The following ADGRV1 variants were observed in gnomAD, a reference collection of about 807,000 sequenced individuals.
ADGRV1 encodes the protein adhesion G protein-coupled receptor V1, also known as G-protein coupled receptor 98.
In ADGRV1, 359 loss-of-function variants were observed where a neutral mutation model predicts 596.2. The observed-to-expected ratio is 0.60, with a 90% CI of 0.55 to 0.66. The LOEUF (loss-of-function observed/expected upper bound fraction) is 0.66. ADGRV1 is among the 30% of genes least tolerant of loss of function. The probability of loss-of-function intolerance (pLI) is 0.00; values close to 1 mark genes in which losing one functional copy is unlikely to be tolerated. For missense variants in ADGRV1, 7,274 were observed against 7,575.6 expected (o/e 0.96, Z 1.48); for synonymous variants, 2,681 against 2,679.2 (o/e 1.00, Z -0.02).
chr5:90,862,017 G>A (rs1346928864), intron 82 of ADGRV1, among the ~76,000 whole-genome samples: 1 of 152,144 alleles, frequency 6.6e-6, no homozygotes, highest in Non-Finnish European at 1.5e-5. Context: ...CACTGGCTTT[G>A]AATCCTGAAC....
At chr5:90,800,635 T>A (rs1761257406) in intron 70 of ADGRV1, among the ~76,000 whole-genome samples, 1 of 152,214 alleles carries the variant, frequency 6.6e-6, no homozygotes, top group African/African-American at 2.4e-5. Flanking sequence ...ATATGTTTAT[T>A]GTGGAACTAT....
intron 75 of ADGRV1, among the ~76,000 whole-genome samples, chr5:90,821,549 A>G (rs1266130325): frequency 6.6e-6 from 1 of 150,666 alleles, no homozygotes; most frequent in Admixed American, 6.6e-5. Context: ...TTGTGGTTTT[A>G]TCTACTTTTG....
At chr5:91,021,832 A>G (rs753627609) in intron 85 of ADGRV1, among the ~76,000 whole-genome samples, 2 of 152,120 alleles carry the variant, frequency 1.3e-5, no homozygotes, top group Non-Finnish European at 2.9e-5. Flanking sequence ...AGGAGGTATC[A>G]TAATGTCTGC....
chr5:90,602,352 A>G (rs154556), intron 1 of ADGRV1, among the ~76,000 whole-genome samples: 27,653 of 152,192 alleles, frequency 0.18, 2,691 homozygotes, highest in East Asian at 0.4. Flanking sequence ...TTGGTATGGA[A>G]AAGAGGGCAA....
chr5:90,827,855 T>C (rs901826824), intron 76 of ADGRV1, among the ~76,000 whole-genome samples: 1 of 152,210 alleles, frequency 6.6e-6, no homozygotes, highest in Non-Finnish European at 1.5e-5. Context: ...ACTTGGATAA[T>C]TCTGAAGGGT....
intron 85 of ADGRV1, among the ~76,000 whole-genome samples, chr5:91,026,802 GCAA>G (rs1409134488): frequency 6.6e-6 from 1 of 152,054 alleles, no homozygotes; most frequent in Non-Finnish European, 1.5e-5. Context: ...CTTTTATACT[GCAA>G]CGAGAATAGG....
At chr5:91,130,652 A>G (rs1283195217) in intron 87 of ADGRV1, among the ~76,000 whole-genome samples, 2 of 152,098 alleles carry the variant, frequency 1.3e-5, no homozygotes, top group East Asian at 3.9e-4. Context: ...TTTTAGATTC[A>G]GTGGGTACAT....
At chr5:91,007,630 A>T (rs998352722) in intron 85 of ADGRV1, among the ~76,000 whole-genome samples, 3 of 152,104 alleles carry the variant, frequency 2.0e-5, no homozygotes, top group Non-Finnish European at 4.4e-5. Flanking sequence ...ACTTCCCCCT[A>T]CCTTGCAGAG....
chr5:90,789,754 T>C lies in ADGRV1; in HGVS notation c.13946T>C (p.Leu4649Ser), dbSNP rs1186185076. ...GTTGTTCAGTTTGCTCCTGAAACTT[T>C]GTCTAAGAAGACTTATTCAGAGCCT... ...NGVVQFAPET[L>S]SKKTYSEPLA... Residue 4649 changes from leucine to serine, a missense_variant, in exon 69 of 90, where the codon TTG becomes TCG. By Grantham distance (145) the Leu-to-Ser change is moderately radical. Transcript: ENST00000405460. 2 of 1,559,864 alleles carry C rather than the reference T, an allele frequency of 1.3e-6. No homozygotes were observed. The highest frequency in any genetic ancestry group is 1.7e-6 in the Non-Finnish European group (2 of 1,149,696).
intron 83 of ADGRV1, among the ~76,000 whole-genome samples, chr5:90,950,968 C>T (rs540104147): frequency 6.6e-6 from 1 of 152,124 alleles, no homozygotes; most frequent in East Asian, 1.9e-4. Context: ...AGATAAGCCT[C>T]GCTCTTCTTT....
chr5:90,785,635 A>G (rs1759353155), intron 67 of ADGRV1, among the ~76,000 whole-genome samples: 1 of 152,260 alleles, frequency 6.6e-6, no homozygotes, highest in Non-Finnish European at 1.5e-5. Context: ...TATGCAGCCA[A>G]CAGACACCTG....
chr5:90,898,754 A>G (rs567514055), intron 83 of ADGRV1, among the ~76,000 whole-genome samples: 1 of 152,190 alleles, frequency 6.6e-6, no homozygotes, highest in African/African-American at 2.4e-5. Flanking sequence ...GACCAAGCCT[A>G]TGAAACATAG....
chr5:90,668,950 A>G (rs1275935078), intron 21 of ADGRV1, among the ~76,000 whole-genome samples: 3 of 152,180 alleles, frequency 2.0e-5, no homozygotes, highest in Admixed American at 6.5e-5. Context: ...TAAAAATTTA[A>G]GTTTGTAAAA....
intron 85 of ADGRV1, among the ~76,000 whole-genome samples, chr5:91,037,866 G>A (rs1785036350): frequency 6.6e-6 from 1 of 152,054 alleles, no homozygotes; most frequent in South Asian, 2.1e-4. Flanking sequence ...CATCACAAGT[G>A]GAAAATTCCA....
In ADGRV1 at chr5:90,627,962, A is replaced by ACACG. The variant is rs1554064823; in HGVS notation, c.1238+186_1238+187insCACG. The ACACG allele has an allele frequency of 1.0e-4, 41 of 407,128 alleles. No homozygotes were observed. In the East Asian group the frequency reaches 1.6e-3, roughly 15 times the overall value. The allele number at this position is 407,128 out of a possible 1,614,324, so 25.2% of individuals were successfully genotyped here. A position where few individuals can be genotyped will look rare whatever the true frequency, so the allele number is the denominator to read the frequency against. ...CACACACACACACACACACACACACAAGAATATGTCATTTTTTCTACCATG... is the reference window on the plus strand; with the variant it reads ...CACACACACACACACACACACACACACACGAGAATATGTCATTTTTTCTACCATG... On this transcript the variant is annotated intron_variant, in intron 7 of 89. Coordinates refer to ENST00000405460, the MANE Select transcript of ADGRV1 (RefSeq NM_032119.4).
At chr5:90,837,176 A>G (rs1041460009) in intron 77 of ADGRV1, among the ~76,000 whole-genome samples, 1 of 152,218 alleles carries the variant, frequency 6.6e-6, no homozygotes, top group Non-Finnish European at 1.5e-5. Flanking sequence ...GAGACAATAA[A>G]GACATCTATT....
chr5:90,660,035 A>G (rs1770028220), intron 21 of ADGRV1, among the ~76,000 whole-genome samples: 1 of 152,006 alleles, frequency 6.6e-6, no homozygotes, highest in Admixed American at 6.6e-5. Context: ...TCTCAGAGAA[A>G]AAAAAAAAGA....
rs748133412 is a variant in ADGRV1, at chr5:90,653,541, A to G, written c.3967A>G (p.Ser1323Gly). 5 of 1,613,936 alleles carry G rather than the reference A, an allele frequency of 3.1e-6. No homozygotes were observed. The South Asian group carries it at 5.5e-5, about 18-fold the overall frequency. Reference protein sequence around the residue: ...HLQQHMRRHHSGTDALYFTGL... With the variant: ...HLQQHMRRHHGGTDALYFTGL... ...ACAACAGCACATGCGGCGTCACCACAGTGGAACGGATGCTTTGTACTTTAC... is the reference window on the plus strand; with the variant it reads ...ACAACAGCACATGCGGCGTCACCACGGTGGAACGGATGCTTTGTACTTTAC... The change falls in exon 20 of 90, where the codon AGT becomes GGT. Residue 1323 changes from serine (S) to glycine (G), a missense_variant. Around this residue, in one of 5 missense-constraint regions of ADGRV1, gnomAD observed 1,715 missense variants for 1,708.8 expected, o/e 1.00. Transcript: ENST00000405460.
chr5:90,895,053 T>G (rs1771177036), intron 83 of ADGRV1, among the ~76,000 whole-genome samples: 1 of 152,102 alleles, frequency 6.6e-6, no homozygotes, highest in Non-Finnish European at 1.5e-5. Context: ...CTCAGCCTAC[T>G]GAGCAGCTGT....
Sources: allele counts gnomAD v4.1 joint callset (sites outside exome capture counted in the v4.1 genomes callset), GRCh38; gene constraint gnomAD v4.1.1; regional missense constraint gnomAD v4.1.1; transcripts MANE v1.5; gene names NCBI Gene and HGNC (gene_info 2026-07-23, HGNC 2026-07-21).